Variants in SLC35A3 observed in about 807,000 individuals in gnomAD.
The protein encoded by SLC35A3 is solute carrier family 35 member A3, also known as UDP-N-acetylglucosamine transporter.
A neutral mutation model predicts 39.0 loss-of-function variants in SLC35A3; 26 were observed. That is an observed-to-expected ratio of 0.67 (90% CI 0.49 to 0.92). SLC35A3 has a LOEUF of 0.92. Among genes scored for constraint, SLC35A3 ranks in the 40% least tolerant of loss-of-function variants. The pLI is 0.00. For missense variants in SLC35A3, 299 were observed against 371.6 expected (o/e 0.80, Z 1.61); for synonymous variants, 135 against 133.1 (o/e 1.01, Z -0.10).
intron 3 of SLC35A3, among the ~76,000 whole-genome samples, chr1:100,003,968 A>ATATC (rs2101260717): frequency 6.6e-6 from 1 of 152,280 alleles, no homozygotes; most frequent in East Asian, 1.9e-4. Context: ...TTTGCATGGA[A>ATATC]TATCTCTCTA....
chr1:99,987,987 C>G (rs1021193406), intron 1 of SLC35A3, among the ~76,000 whole-genome samples: 1 of 152,092 alleles, frequency 6.6e-6, no homozygotes, highest in African/African-American at 2.4e-5. Flanking sequence ...TTTTTTAAAT[C>G]AACTTTATTG....
At chr1:99,980,735 A>G (rs1557821524) in intron 1 of SLC35A3, among the ~76,000 whole-genome samples, 1 of 148,978 alleles carries the variant, frequency 6.7e-6, no homozygotes, top group Non-Finnish European at 1.5e-5. Context: ...CCTGTAAGTT[A>G]TAGAGTTGGT....
chr1:99,981,780 C>CTG (rs1395379671), intron 1 of SLC35A3, among the ~76,000 whole-genome samples: 3 of 152,070 alleles, frequency 2.0e-5, no homozygotes, highest in Admixed American at 1.3e-4. Context: ...TGCACCCAGC[C>CTG]TGTGTATGAA....
intron 7 of SLC35A3, among the ~76,000 whole-genome samples, 181 bp from the exon 8 acceptor site, chr1:100,022,205 A>G (rs1385082650): frequency 6.6e-6 from 1 of 152,232 alleles, no homozygotes; most frequent in Non-Finnish European, 1.5e-5. Context: ...ACTCAATGAA[A>G]TAATGCATAT....
At chr1:99,984,945 T>C (rs956054955) in intron 1 of SLC35A3, among the ~76,000 whole-genome samples, 4 of 152,218 alleles carry the variant, frequency 2.6e-5, no homozygotes, top group African/African-American at 9.6e-5. Context: ...TGTTTTTTTC[T>C]TGCTGATTTG....
intron 1 of SLC35A3, among the ~76,000 whole-genome samples, chr1:99,979,731 GCCT>G (rs1246738516): frequency 6.7e-6 from 1 of 148,454 alleles, no homozygotes; most frequent in Non-Finnish European, 1.5e-5. Context: ...ACCGCGCCTG[GCCT>G]CCTTTTCTTT....
chr1:100,027,451 A>G lies in SLC35A3; in HGVS notation c.*4975A>G, dbSNP rs1364330235. ...TGAGTGACAGTGAGACTCTGTCTCAAAAAACAAACAAAACAAAAACTGAAA... is the reference window on the plus strand; with the variant it reads ...TGAGTGACAGTGAGACTCTGTCTCAGAAAACAAACAAAACAAAAACTGAAA... On this transcript the variant is annotated 3_prime_UTR_variant, in exon 8 of 8. Coordinates refer to ENST00000533028, the MANE Select transcript of SLC35A3 (RefSeq NM_012243.3). 2 of 353,790 alleles carry G rather than the reference A, an allele frequency of 5.7e-6. No homozygotes were observed. The highest frequency in any genetic ancestry group is 1.0e-5 in the Non-Finnish European group (2 of 198,546). 21.9% of individuals were successfully genotyped at this position (353,790 alleles called of 1,614,324 possible). A position where few individuals can be genotyped will look rare whatever the true frequency, so the allele number is the denominator to read the frequency against.
At chr1:100,015,445 T>C in intron 6 of SLC35A3, 25 bp downstream of exon 6, 2 of 1,585,828 alleles carry the variant, frequency 1.3e-6, no homozygotes, top group Non-Finnish European at 1.7e-6. Flanking sequence ...GTCTTAGATT[T>C]AATGCTAATA....
chr1:99,991,812 G>T (rs1021907823), intron 1 of SLC35A3, among the ~76,000 whole-genome samples: 1 of 152,138 alleles, frequency 6.6e-6, no homozygotes, highest in African/African-American at 2.4e-5. Context: ...GCAGTGGCAT[G>T]ATCTCGGCTC....
At chr1:99,984,267 G>A (rs532408036) in intron 1 of SLC35A3, among the ~76,000 whole-genome samples, 24 of 152,326 alleles carry the variant, frequency 1.6e-4, no homozygotes, top group Non-Finnish European at 3.2e-4. Context: ...GAAAGGAATA[G>A]ACTTAGAGTT....
chr1:100,007,486 G>A (rs1229901344), intron 4 of SLC35A3: 3 of 170,350 alleles, frequency 1.8e-5, no homozygotes, highest in Admixed American at 6.5e-5. Context: ...ATTTTCTATC[G>A]GCTTCACAAT....
Position 100,026,440 on chromosome 1 carries a change from C to G in SLC35A3, c.*3964C>G, listed in dbSNP as rs1340446086. 6.6e-6 allele frequency: 1 copy of G among 152,112 alleles called. No homozygotes were observed. Among genetic ancestry groups the G allele is most frequent in the Non-Finnish European group, 1.5e-5 (1 of 68,000 alleles). 9.4% of individuals were successfully genotyped at this position (152,112 alleles called of 1,614,324 possible). On this transcript the variant is annotated 3_prime_UTR_variant, in exon 8 of 8. Coordinates refer to ENST00000533028, the MANE Select transcript of SLC35A3 (RefSeq NM_012243.3). ...CTATGTGCCTTGCTTTACCAAATAC[C>G]TGATTTTTCTGGAGGGTGTTCCTGT... is the stretch of plus-strand genomic sequence containing the variant.
At chr1:99,997,952 C>T (rs1658519746) in intron 2 of SLC35A3, among the ~76,000 whole-genome samples, 1 of 151,998 alleles carries the variant, frequency 6.6e-6, no homozygotes, top group Non-Finnish European at 1.5e-5. Flanking sequence ...ACTCTGAAAT[C>T]CTCTGGCTCC....
At position 100,024,919 on chromosome 1, in the gene SLC35A3, T is replaced by TG. The variant is rs1660819157; in HGVS notation, c.*2444dup. On this transcript the variant is annotated 3_prime_UTR_variant, in exon 8 of 8. Coordinates refer to ENST00000533028, the MANE Select transcript of SLC35A3 (RefSeq NM_012243.3). ...TATGTTACAGACTGTTGGGTACCCT[T>TG]GCCTAACGTGAACTGGCAGTGTTAC... 8.9e-6 allele frequency: 3 copies of TG among 336,198 alleles called. No homozygotes were observed. The highest frequency in any genetic ancestry group is 2.1e-5 in the African/African-American group (1 of 46,638). 20.8% of individuals were successfully genotyped at this position (336,198 alleles called of 1,614,324 possible).
rs1661119384 is a variant in SLC35A3, at chr1:100,029,652, AACTCCT to A, written c.*7177_*7182del. On this transcript the variant is annotated 3_prime_UTR_variant, in exon 8 of 8. Coordinates refer to ENST00000533028, the MANE Select transcript of SLC35A3 (RefSeq NM_012243.3). The stretch of plus-strand genomic sequence containing the variant: ...CACCATGTTGGCCAGGCTGGTCTCG[AACTCCT>A]GACCTCAGGTGATCTGCCGGCCTTG... 2 of 152,160 alleles carry A rather than the reference AACTCCT, an allele frequency of 1.3e-5. No homozygotes were observed. Among genetic ancestry groups the A allele is most frequent in the Admixed American group, 6.5e-5 (1 of 15,268 alleles). The allele number at this position is 152,160 out of a possible 1,614,324, so 9.4% of individuals were successfully genotyped here.
At chr1:99,970,513 C>T (rs1239110126) in intron 1 of SLC35A3, 2 of 1,518,950 alleles carry the variant, frequency 1.3e-6, no homozygotes, top group Non-Finnish European at 1.8e-6. Flanking sequence ...GGCTGGGGCC[C>T]GTCATTCCTT....
chr1:99,973,279 A>G (rs1314155639), intron 1 of SLC35A3, among the ~76,000 whole-genome samples: 1 of 152,218 alleles, frequency 6.6e-6, no homozygotes, highest in East Asian at 1.9e-4. Context: ...GAACATCATC[A>G]CACTGACAGT....
intron 1 of SLC35A3, among the ~76,000 whole-genome samples, chr1:99,991,799 A>C (rs1031594069): frequency 2.0e-5 from 3 of 152,196 alleles, no homozygotes; most frequent in African/African-American, 7.2e-5. Flanking sequence ...GCCAGGCTAG[A>C]GTGCAGTGGC....
intron 1 of SLC35A3, among the ~76,000 whole-genome samples, chr1:99,979,302 T>C (rs1180220200): frequency 1.3e-5 from 2 of 152,198 alleles, no homozygotes; most frequent in Non-Finnish European, 2.9e-5. Context: ...CCAGCTTCTG[T>C]TGGCTGCCAA....
Sources: allele counts gnomAD v4.1 joint callset (sites outside exome capture counted in the v4.1 genomes callset), GRCh38; gene constraint gnomAD v4.1.1; transcripts MANE v1.5; gene names NCBI Gene and HGNC (gene_info 2026-07-23, HGNC 2026-07-21).